Variants in TNFRSF11B observed in about 807,000 individuals in gnomAD.
TNFRSF11B encodes tumor necrosis factor receptor superfamily member 11B.
A neutral mutation model predicts 43.4 loss-of-function variants in TNFRSF11B; 16 were observed. The ratio of observed to expected loss-of-function variants is 0.37; its 90% CI spans 0.25 to 0.56. The LOEUF is 0.56. Among genes scored for constraint, TNFRSF11B ranks in the 20% least tolerant of loss-of-function variants. The probability of loss-of-function intolerance (pLI) is 0.80; values close to 1 mark genes in which losing one functional copy is unlikely to be tolerated. For missense variants in TNFRSF11B, 444 were observed against 490.1 expected (o/e 0.91, Z 0.89); for synonymous variants, 185 against 181.8 (o/e 1.02, Z -0.14).
intron 1 of TNFRSF11B, among the ~76,000 whole-genome samples, chr8:118,941,525 T>C (rs567981899): frequency 4.6e-5 from 7 of 152,302 alleles, no homozygotes; most frequent in Admixed American, 1.3e-4. Context: ...TCAGGTAAAA[T>C]TTAACTTTCA....
At chr8:118,928,021 T>C (rs958691287) in intron 3 of TNFRSF11B, among the ~76,000 whole-genome samples, 3 of 151,568 alleles carry the variant, frequency 2.0e-5, no homozygotes, top group African/African-American at 7.3e-5. Context: ...AATGTGTGTG[T>C]GTGTGTGTGT....
chr8:118,924,726 A>C lies in TNFRSF11B; in HGVS notation c.854T>G (p.Ile285Ser), dbSNP rs751899813. The change falls in exon 5 of 5, where the codon ATT becomes AGT. Residue 285 changes from isoleucine (I) to serine (S), a missense_variant. Ile to Ser is a moderately radical substitution (Grantham distance 142, BLOSUM62 -2). Coordinates refer to ENST00000297350, the MANE Select transcript of TNFRSF11B (RefSeq NM_002546.4). The stretch of plus-strand genomic sequence containing the variant: ...CTCGAAGGTGAGGTTAGCATGTCCA[A>C]TGTGCCGCTGCACGCTGTTTTCACA... The part of the protein sequence containing the change: ...DLCENSVQRH[I>S]GHANLTFEQL... 2.4e-5 allele frequency: 39 copies of C among 1,614,068 alleles called. No individual in the cohort carries two copies. Among genetic ancestry groups the C allele is most frequent in the Non-Finnish European group, 3.2e-5 (38 of 1,180,040 alleles).
intron 1 of TNFRSF11B, among the ~76,000 whole-genome samples, chr8:118,948,464 G>A (rs2129927422): frequency 6.6e-6 from 1 of 152,258 alleles, no homozygotes; most frequent in African/African-American, 2.4e-5. Context: ...TAGTGGCTAG[G>A]AGAGCAAAAA....
chr8:118,924,543 A>G lies in TNFRSF11B; in HGVS notation c.1037T>C (p.Met346Thr). Residue 346 changes from methionine to threonine, a missense_variant, in exon 5 of 5, where the codon ATG becomes ACG. By Grantham distance (81) the Met-to-Thr change is moderately conservative. Transcript: ENST00000297350. ...NGDQDTLKGL[M>T]HALKHSKTYH... ...CGTCTTTGAGTGCTTTAGTGCGTGC[A>G]TTAGGCCCTTCAAGGTGTCTTGGTC... The G allele has an allele frequency of 1.2e-6, 2 of 1,614,194 alleles. No individual in the cohort carries two copies. The highest frequency in any genetic ancestry group is 1.7e-6 in the Non-Finnish European group (2 of 1,180,036).
chr8:118,931,184 T>C (rs1390063405), intron 2 of TNFRSF11B, among the ~76,000 whole-genome samples: 1 of 152,124 alleles, frequency 6.6e-6, no homozygotes, highest in African/African-American at 2.4e-5. Context: ...ACAAAACGGT[T>C]ATTAAATACT....
At chr8:118,946,235 C>A (rs1335670250) in intron 1 of TNFRSF11B, among the ~76,000 whole-genome samples, 1 of 152,078 alleles carries the variant, frequency 6.6e-6, no homozygotes, top group Admixed American at 6.6e-5. Flanking sequence ...ATGGAAAGAA[C>A]CATTTTAGTG....
chr8:118,949,125 G>A (rs1812605917), intron 1 of TNFRSF11B, among the ~76,000 whole-genome samples: 1 of 152,048 alleles, frequency 6.6e-6, no homozygotes, highest in South Asian at 2.1e-4. Flanking sequence ...CCATGTCTAT[G>A]ACATTAGTAC....
At chr8:118,937,207 G>C (rs11573884) in intron 1 of TNFRSF11B, among the ~76,000 whole-genome samples, 10,699 of 152,224 alleles carry the variant, frequency 0.07, 424 homozygotes, top group South Asian at 0.092. Context: ...TGGGTGAGTT[G>C]AATTAACTGT....
intron 1 of TNFRSF11B, among the ~76,000 whole-genome samples, chr8:118,939,117 A>G (rs1812443099): frequency 2.0e-5 from 3 of 152,314 alleles, no homozygotes; most frequent in Non-Finnish European, 4.4e-5. Context: ...GAAAGGAAAC[A>G]TCCAGGATAT....
At chr8:118,932,794 G>C in intron 2 of TNFRSF11B, 137 bp downstream of exon 2, 1 of 1,105,306 alleles carries the variant, frequency 9.0e-7, no homozygotes, top group Non-Finnish European at 1.3e-6. Context: ...CAGACACATA[G>C]TACCTACCTG....
At chr8:118,926,165 G>A (rs997626256) in intron 4 of TNFRSF11B, among the ~76,000 whole-genome samples, 5 of 152,188 alleles carry the variant, frequency 3.3e-5, no homozygotes, top group African/African-American at 1.2e-4. Context: ...TCTCCTTGGT[G>A]GTCTAGAGGG....
At chr8:118,931,364 C>T (rs1306114373) in intron 2 of TNFRSF11B, among the ~76,000 whole-genome samples, 1 of 152,126 alleles carries the variant, frequency 6.6e-6, no homozygotes, top group Non-Finnish European at 1.5e-5. Flanking sequence ...TTCTGGCTGC[C>T]TGCTTGCTTC....
At chr8:118,938,430 G>A (rs1399155386) in intron 1 of TNFRSF11B, among the ~76,000 whole-genome samples, 1 of 152,160 alleles carries the variant, frequency 6.6e-6, no homozygotes, top group Admixed American at 6.5e-5. Flanking sequence ...CTATAAAAAC[G>A]AGTCAGGGTA....
At chr8:118,925,368 T>G (rs1006217358) in intron 4 of TNFRSF11B, among the ~76,000 whole-genome samples, 1 of 152,222 alleles carries the variant, frequency 6.6e-6, no homozygotes, top group Admixed American at 6.5e-5. Flanking sequence ...TCACTTAGTA[T>G]CTGTGAGCCC....
At position 118,939,096 on chromosome 8, in the gene TNFRSF11B, G is replaced by C. The variant is rs76516555; in HGVS notation, c.31-5796C>G. On this transcript the variant is annotated intron_variant, in intron 1 of 4. Transcript: ENST00000297350. ...TTAAAACCATGTCAGTTTACAGTTC[G>C]TCTTAGCCAAGAAAGGAAACATCCA... 1.4e-4 allele frequency among the ~76,000 whole-genome samples: 22 copies of C among 152,200 alleles called. No homozygotes were observed. In the East Asian group the frequency reaches 4.1e-3, roughly 28 times the overall value.
At position 118,928,794 on chromosome 8, in the gene TNFRSF11B, GC is replaced by G; in HGVS notation, c.535del (p.Ala179GlnfsTer19). 1.2e-6 allele frequency: 2 copies of G among 1,614,162 alleles called. No homozygotes were observed. Among genetic ancestry groups the G allele is most frequent in the Non-Finnish European group, 1.7e-6 (2 of 1,180,032 alleles). ...TCCGGAACATATGTTGTCGTGTGTTGCATTTCCTTTCTGAGTTAGCAGGAGA... is the reference window on the plus strand; with the variant it reads ...TCCGGAACATATGTTGTCGTGTGTTGATTTCCTTTCTGAGTTAGCAGGAGA... ...FGLLLTQKGN[A>X]THDNICSGNS... On this transcript the variant is annotated frameshift_variant, in exon 3 of 5. Transcript: ENST00000297350. LOFTEE classifies it high-confidence loss of function.
chr8:118,933,567 G>C (rs1354671389), intron 1 of TNFRSF11B, among the ~76,000 whole-genome samples: 1 of 152,180 alleles, frequency 6.6e-6, no homozygotes, highest in Non-Finnish European at 1.5e-5. Flanking sequence ...ATAACACTTA[G>C]ATGCACTGCT....
At position 118,924,309 on chromosome 8, in the gene TNFRSF11B, G is replaced by A; in HGVS notation, c.*65C>T. The stretch of plus-strand genomic sequence containing the variant: ...ATCACTGAAAGCCTCAAGTGCCTGA[G>A]AAACAGTTTACTCATCCATGGGATC... On this transcript the variant is annotated 3_prime_UTR_variant, in exon 5 of 5. Coordinates refer to ENST00000297350, the MANE Select transcript of TNFRSF11B (RefSeq NM_002546.4). The A allele has an allele frequency of 6.3e-7, 1 of 1,586,020 alleles. No homozygotes were observed. Among genetic ancestry groups the A allele is most frequent in the South Asian group, 1.1e-5 (1 of 89,836 alleles).
chr8:118,926,762 G>A (rs1377052804), intron 3 of TNFRSF11B, 44 bp from the exon 4 acceptor site: 4 of 1,535,826 alleles, frequency 2.6e-6, no homozygotes, highest in African/African-American at 1.4e-5. Flanking sequence ...TCAACAATTG[G>A]ATTTCTGAGA....
Sources: gnomAD v4.1 joint callset for allele counts (sites outside exome capture counted in the v4.1 genomes callset) on GRCh38, gnomAD v4.1.1 for gene constraint, MANE v1.5 for transcripts, NCBI Gene and HGNC (gene_info 2026-07-23, HGNC 2026-07-21) for gene names.